GRAMD1A: variants seen among roughly 807,000 people sequenced by gnomAD.
The protein encoded by GRAMD1A is GRAM domain containing 1A.
GRAMD1A carries 50 observed loss-of-function variants against 92.0 expected under a neutral mutation model. The ratio of observed to expected loss-of-function variants is 0.54; its 90% CI spans 0.43 to 0.69. GRAMD1A has a LOEUF of 0.69. Ranked by LOEUF, GRAMD1A falls within the 30% of genes least tolerant of loss-of-function variation. The pLI is 0.00. For synonymous variants in GRAMD1A, 405 were observed against 403.6 expected, an observed-to-expected ratio of 1.00 and a Z score of -0.04; for missense variants, 819 against 978.9, an observed-to-expected ratio of 0.84 and a Z score of 2.18.
chr19:35,004,248 G>A (rs2014633354), intron 1 of GRAMD1A, among the ~76,000 whole-genome samples: 1 of 151,998 alleles, frequency 6.6e-6, no homozygotes, highest in Non-Finnish European at 1.5e-5. Context: ...TTTTGCCACT[G>A]TACTGCAGCC....
At chr19:35,024,072 TC>T (rs1471974142) in intron 19 of GRAMD1A, among the ~76,000 whole-genome samples, 5 of 152,180 alleles carry the variant, frequency 3.3e-5, no homozygotes, top group Non-Finnish European at 7.3e-5. Context: ...TGAGGTCTCA[TC>T]TCCAAAACGG....
At position 35,005,642 on chromosome 19, in the gene GRAMD1A, TTATTTTATTCACG is replaced by T. The variant is rs562099934; in HGVS notation, c.9-3466_9-3454del. Among the ~76,000 whole-genome samples the T allele has an allele frequency of 9.9e-5, 15 of 152,232 alleles. No homozygotes were observed. In the South Asian group the frequency reaches 3.1e-3, roughly 32 times the overall value. Reference sequence around the variant, plus strand: ...GTGGCCTGGGCCACTGGCTGTTTAATTATTTTATTCACGTATTTTATTCCACAAATTTATTTTA... The same window carrying T: ...GTGGCCTGGGCCACTGGCTGTTTAATTATTTTATTCCACAAATTTATTTTA... On this transcript the variant is annotated intron_variant, in intron 1 of 19. Transcript: ENST00000317991.
chr19:35,021,981 C>T lies in GRAMD1A; in HGVS notation c.1784C>T (p.Ser595Phe). 1 of 1,614,154 alleles carries T rather than the reference C, an allele frequency of 6.2e-7. No homozygotes were observed. The highest frequency in any genetic ancestry group is 8.5e-7 in the Non-Finnish European group (1 of 1,180,010). Residue 595 changes from serine to phenylalanine, a missense_variant, in exon 16 of 20, where the codon TCT becomes TTT. Around this residue, in one of 3 missense-constraint regions of GRAMD1A, gnomAD observed 577 missense variants for 674.6 expected, o/e 0.86. Transcript: ENST00000317991. This position sits in a 1 kb window ranked among gnomAD's most constrained non-coding sequence, Gnocchi z 5.3. Reference protein sequence around the residue: ...GSLSSRFSEPSVDQGPGAGIP... With the variant: ...GSLSSRFSEPFVDQGPGAGIP... ...CTCAGCTCCCGCTTCTCCGAACCATCTGTGGACCAGGGCCCCGGGGCAGGC... is the reference window on the plus strand; with the variant it reads ...CTCAGCTCCCGCTTCTCCGAACCATTTGTGGACCAGGGCCCCGGGGCAGGC...
chr19:35,011,310 G>A (rs917066991), intron 6 of GRAMD1A, among the ~76,000 whole-genome samples, 164 bp from the exon 7 acceptor site: 1 of 152,202 alleles, frequency 6.6e-6, no homozygotes, highest in Non-Finnish European at 1.5e-5. Flanking sequence ...CCAGGGCAGG[G>A]CCGGGCGCAG....
At chr19:35,022,667 G>A (rs879829767) in intron 16 of GRAMD1A, among the ~76,000 whole-genome samples, 22 of 152,132 alleles carry the variant, frequency 1.4e-4, no homozygotes, top group Non-Finnish European at 2.5e-4. Flanking sequence ...AGGAGTTGGC[G>A]GGCAGGACGC....
In GRAMD1A at chr19:35,026,214, C is replaced by T. The variant is rs556414406; in HGVS notation, c.*73C>T. ...AGAGCCTCGGCGGCCACTGCTGGCA[C>T]GGTGTGAGCGCCAGGCATCTCCCAC... On this transcript the variant is annotated 3_prime_UTR_variant, in exon 20 of 20. Coordinates refer to ENST00000317991, the MANE Select transcript of GRAMD1A (RefSeq NM_020895.5). 56 of 806,742 alleles carry T rather than the reference C, an allele frequency of 6.9e-5. No individual in the cohort carries two copies. Among genetic ancestry groups the T allele is most frequent in the Admixed American group, 3.1e-4 (17 of 54,216 alleles). The allele number at this position is 806,742 out of a possible 1,614,324, so 50.0% of individuals were successfully genotyped here. A position where few individuals can be genotyped will look rare whatever the true frequency, so the allele number is the denominator to read the frequency against.
At position 35,009,329 on chromosome 19, in the gene GRAMD1A, G is replaced by A. The variant is rs1368138203; in HGVS notation, c.219G>A (p.Lys73=). 4 of 1,613,984 alleles carry A rather than the reference G, an allele frequency of 2.5e-6. No individual in the cohort carries two copies. Among genetic ancestry groups the A allele is most frequent in the Non-Finnish European group, 3.4e-6 (4 of 1,179,860 alleles). The change falls in exon 2 of 20, where the codon AAG becomes AAA. Residue 73 remains lysine, a splice_region_variant and synonymous_variant. Transcript: ENST00000317991. ...LGSRNFIRNS[K]KMQSWYSMLS... is the part of the protein sequence containing the mutation. Reference sequence around the variant, plus strand: ...GCCGGAACTTCATCCGCAACAGCAAGGTTGGTGCAAGCCCAGGTGGGGTGG... The same window carrying A: ...GCCGGAACTTCATCCGCAACAGCAAAGTTGGTGCAAGCCCAGGTGGGGTGG...
At chr19:35,003,318 G>T (rs1395238998) in intron 1 of GRAMD1A, among the ~76,000 whole-genome samples, 3 of 152,154 alleles carry the variant, frequency 2.0e-5, no homozygotes, top group Non-Finnish European at 4.4e-5. Flanking sequence ...TCTGACCAGA[G>T]GCTGCTCTGG....
At chr19:35,012,208 C>T (rs1231488443) in intron 7 of GRAMD1A, among the ~76,000 whole-genome samples, 1 of 152,230 alleles carries the variant, frequency 6.6e-6, no homozygotes, top group Admixed American at 6.5e-5. Flanking sequence ...CCTCGCCACC[C>T]CCTCTGCCCC....
intron 3 of GRAMD1A, 147 bp downstream of exon 3, chr19:35,009,590 G>T (rs1441257173): frequency 2.4e-6 from 2 of 844,946 alleles, no homozygotes; most frequent in Non-Finnish European, 4.0e-6. Flanking sequence ...TTTATGTGCT[G>T]TGTGACCTTG....
chr19:35,024,610 T>G (rs2016307398), intron 19 of GRAMD1A, among the ~76,000 whole-genome samples: 1 of 152,102 alleles, frequency 6.6e-6, no homozygotes, highest in Non-Finnish European at 1.5e-5. Context: ...GGTGAAAATC[T>G]TGTCTCATTG....
upstream of GRAMD1A, among the ~76,000 whole-genome samples, chr19:34,997,178 T>C (rs2151692370): frequency 6.6e-6 from 1 of 151,854 alleles, no homozygotes; most frequent in African/African-American, 2.4e-5. Flanking sequence ...CCTCCCAAAG[T>C]GCTGGGATTG....
upstream of GRAMD1A, among the ~76,000 whole-genome samples, chr19:34,997,388 CAA>C (rs540666102): frequency 2.6e-5 from 3 of 113,258 alleles, no homozygotes; most frequent in Non-Finnish European, 3.6e-5. Context: ...GCCAAAAAAA[CAA>C]AAAAAAAAAA....
chr19:35,003,143 C>CGTGT (rs60437273), intron 1 of GRAMD1A, among the ~76,000 whole-genome samples: 5,914 of 141,098 alleles, frequency 0.042, 128 homozygotes, highest in East Asian at 0.057. Context: ...TTGCTCTGTG[C>CGTGT]GTGTGTGTGT....
chr19:35,009,606 G>A (rs1212266136), intron 3 of GRAMD1A, 163 bp downstream of exon 3: 1 of 768,352 alleles, frequency 1.3e-6, no homozygotes, highest in Non-Finnish European at 2.2e-6. Flanking sequence ...CCTTGGGTGA[G>A]TTACTTAACC....
chr19:34,999,307 G>A (rs1345669404), upstream of GRAMD1A: 1 of 152,764 alleles, frequency 6.5e-6, no homozygotes, highest in African/African-American at 2.4e-5. Flanking sequence ...AAATGGAGAA[G>A]TCAGGTGGGC....
intron 6 of GRAMD1A, 38 bp downstream of exon 6, chr19:35,010,417 C>T (rs756366391): frequency 1.2e-5 from 17 of 1,364,504 alleles, no homozygotes; most frequent in South Asian, 4.6e-5. Context: ...CGCGGTCCCC[C>T]GCTCAGCAGG....
At chr19:35,019,637 G>A (rs2015905731) in intron 13 of GRAMD1A, 104 bp downstream of exon 13, 1 of 1,144,596 alleles carries the variant, frequency 8.7e-7, no homozygotes, top group African/African-American at 1.5e-5. Flanking sequence ...CCTGGTGGAG[G>A]AACAGAAGCG....
At chr19:35,024,413 C>T (rs1042821582) in intron 19 of GRAMD1A, among the ~76,000 whole-genome samples, 3 of 148,476 alleles carry the variant, frequency 2.0e-5, no homozygotes, top group African/African-American at 7.9e-5. Flanking sequence ...CCAGCAGTTG[C>T]GGTGGGTCAG....
Sources: gnomAD v4.1 joint callset for allele counts (sites outside exome capture counted in the v4.1 genomes callset) on GRCh38, gnomAD v4.1.1 for gene constraint, gnomAD v4.1.1 regional missense constraint, Gnocchi (gnomAD v3.1) non-coding constraint, MANE v1.5 for transcripts, NCBI Gene and HGNC (gene_info 2026-07-23, HGNC 2026-07-21) for gene names.